Variants in TYMS observed in about 807,000 individuals in gnomAD.
The protein encoded by TYMS is thymidylate synthetase, also known as thymidylate synthase.
In TYMS, 21 loss-of-function variants were observed where a neutral mutation model predicts 39.3. The ratio of observed to expected loss-of-function variants is 0.54; its 90% CI spans 0.38 to 0.77. The LOEUF (loss-of-function observed/expected upper bound fraction) is 0.77, where lower values mean the gene tolerates loss of function less well. TYMS is among the 30% of genes least tolerant of loss of function. The pLI, the probability that TYMS is intolerant of heterozygous loss-of-function variation, is 0.00. For missense variants in TYMS, 273 were observed against 406.7 expected, an observed-to-expected ratio of 0.67 and a Z score of 2.83; for synonymous variants, 171 against 162.2, an observed-to-expected ratio of 1.05 and a Z score of -0.41.
chr18:666,903 A>T (rs62090118), intron 3 of TYMS, among the ~76,000 whole-genome samples: 11,743 of 60,126 alleles, frequency 0.2, 1,587 homozygotes, highest in African/African-American at 0.39. Flanking sequence ...ATGGTGATGG[A>T]GATGGTGATG....
rs1567990820 is a variant in TYMS at position 667,505 on chromosome 18, TGATGGTGATGGTGATGGTGATGGA to T, written c.455-1525_455-1502del. Among the ~76,000 whole-genome samples the T allele has an allele frequency of 3.9e-4, 15 of 38,860 alleles. 1 individual carries two copies. The East Asian group carries it at 0.015, about 38-fold the overall frequency. 25.5% of individuals were successfully genotyped at this position (38,860 alleles called of 152,430 possible). ...GTGATGGTGATGGTGATGGAGATGG[TGATGGTGATGGTGATGGTGATGGA>T]GATGGTGATGGTGATGGTGATGGAG... On this transcript the variant is annotated intron_variant, in intron 3 of 6. Transcript: ENST00000323274.
At chr18:668,062 A>T (rs570099154) in intron 3 of TYMS, among the ~76,000 whole-genome samples, 19 of 140,060 alleles carry the variant, frequency 1.4e-4, no homozygotes, top group South Asian at 4.6e-4. Flanking sequence ...CCCAGTGATA[A>T]TATCTTGGGT....
At chr18:665,043 AG>A (rs1462754287) in intron 3 of TYMS, among the ~76,000 whole-genome samples, 5 of 152,014 alleles carry the variant, frequency 3.3e-5, no homozygotes, top group African/African-American at 1.2e-4. Context: ...AAAATGAGTT[AG>A]GGAGGATTCC....
intron 3 of TYMS, among the ~76,000 whole-genome samples, chr18:662,648 A>G (rs1224648098): frequency 1.3e-5 from 2 of 151,620 alleles, no homozygotes; most frequent in African/African-American, 2.4e-5. Context: ...ATATCTCCCA[A>G]TGCTATCCCT....
intron 3 of TYMS, 77 bp downstream of exon 3, chr18:662,397 G>T: frequency 7.3e-7 from 1 of 1,366,592 alleles, no homozygotes; most frequent in Non-Finnish European, 1.0e-6. Flanking sequence ...TTTAGATAAG[G>T]TCTGGGGGAT....
chr18:664,930 T>C (rs1176816531), intron 3 of TYMS, among the ~76,000 whole-genome samples: 1 of 142,150 alleles, frequency 7.0e-6, no homozygotes, highest in Non-Finnish European at 1.5e-5. Flanking sequence ...CAGTATTTTA[T>C]TGAGGAATTT....
chr18:662,091 T>G, intron 2 of TYMS, 55 bp from the exon 3 acceptor site: 51 of 1,531,664 alleles, frequency 3.3e-5, no homozygotes, highest in Non-Finnish European at 4.1e-5. Context: ...GGGGATCAAC[T>G]GAGATGGCTT....
Position 673,312 on chromosome 18 carries a change from G to A in TYMS, c.*315G>A, listed in dbSNP as rs536521216. On this transcript the variant is annotated 3_prime_UTR_variant, in exon 7 of 7. Coordinates refer to ENST00000323274, the MANE Select transcript of TYMS (RefSeq NM_001071.4). ...CATTTCAATCCCACGTACTTATAAA[G>A]AAGGTTGGTGAATTTCACAAGCTAT... is the stretch of plus-strand genomic sequence containing the variant. 1.1e-4 allele frequency: 26 copies of A among 243,036 alleles called. 1 individual carries two copies. In the South Asian group the frequency reaches 4.3e-3, roughly 40 times the overall value. 15.1% of individuals were successfully genotyped at this position (243,036 alleles called of 1,614,324 possible). A position where few individuals can be genotyped will look rare whatever the true frequency, so the allele number is the denominator to read the frequency against.
Position 659,717 on chromosome 18 carries a change from A to G in TYMS, c.279+3A>G. 6 of 1,612,854 alleles carry G rather than the reference A, an allele frequency of 3.7e-6. No individual in the cohort carries two copies. Among genetic ancestry groups the G allele is most frequent in the Non-Finnish European group, 5.1e-6 (6 of 1,178,806 alleles). ...AGGAGTTGCTGTGGTTTATCAAGGT[A>G]AAGAAGTCGCTGCTATTAGAAGTCA... On this transcript the variant is annotated splice_donor_region_variant and intron_variant, in intron 2 of 6. Transcript: ENST00000323274.
chr18:669,798 A>G (rs993502007), intron 4 of TYMS, among the ~76,000 whole-genome samples: 3 of 151,856 alleles, frequency 2.0e-5, no homozygotes, highest in Non-Finnish European at 4.4e-5. Context: ...GTAAAATTCA[A>G]CTCTACCAGG....
chr18:661,379 G>A (rs1415807566), intron 2 of TYMS, among the ~76,000 whole-genome samples: 1 of 152,234 alleles, frequency 6.6e-6, no homozygotes, highest in Non-Finnish European at 1.5e-5. Context: ...AAATACAGGA[G>A]TTGAGGCACC....
At chr18:662,452 G>A (rs1337304025) in intron 3 of TYMS, 132 bp downstream of exon 3, 5 of 766,948 alleles carry the variant, frequency 6.5e-6, no homozygotes, top group Non-Finnish European at 7.8e-6. Context: ...ACCTTGTGAG[G>A]GGTGGTGCCA....
intron 4 of TYMS, 121 bp from the exon 5 acceptor site, chr18:670,571 G>C: frequency 1.9e-6 from 2 of 1,043,276 alleles, no homozygotes; most frequent in Non-Finnish European, 2.8e-6. Flanking sequence ...GCAGCCCAGT[G>C]GCTCTCTCTC....
At chr18:664,326 A>G (rs370070175) in intron 3 of TYMS, among the ~76,000 whole-genome samples, 30 of 150,092 alleles carry the variant, frequency 2.0e-4, no homozygotes, top group Admixed American at 6.0e-4. Context: ...TTTGTCTGTT[A>G]TTGGTGTATA....
Position 669,054 on chromosome 18 carries a change from T to G in TYMS, c.455-18T>G, listed in dbSNP as rs1005928064. The stretch of plus-strand genomic sequence containing the variant: ...GATTAATGTATGTACCTGTCCTCTC[T>G]TTTTGACAATTCTACAGATTATTCA... On this transcript the variant is annotated intron_variant, in intron 3 of 6. Coordinates refer to ENST00000323274, the MANE Select transcript of TYMS (RefSeq NM_001071.4). 8 of 1,607,352 alleles carry G rather than the reference T, an allele frequency of 5.0e-6. No homozygotes were observed. The highest frequency in any genetic ancestry group is 1.1e-5 in the South Asian group (1 of 90,898).
intron 3 of TYMS, among the ~76,000 whole-genome samples, chr18:664,036 T>A (rs1176908631): frequency 3.3e-5 from 4 of 121,508 alleles, no homozygotes; most frequent in Admixed American, 3.0e-4. Context: ...TAAAGTAGTT[T>A]TTTCCAATTC....
Position 659,677 on chromosome 18 carries a change from G to A in TYMS, c.242G>A (p.Trp81Ter). 1 of 1,614,236 alleles carries A rather than the reference G, an allele frequency of 6.2e-7. No homozygotes were observed. Among genetic ancestry groups the A allele is most frequent in the Non-Finnish European group, 8.5e-7 (1 of 1,180,024 alleles). ...CTGCTGACAACCAAACGTGTGTTCT[G>A]GAAGGGTGTTTTGGAGGAGTTGCTG... ...FPLLTTKRVF[W>*]KGVLEELLWF... Residue 81 changes from tryptophan to a stop codon, truncating the protein, a stop_gained, in exon 2 of 7, where the codon TGG becomes TAG. Transcript: ENST00000323274. LOFTEE classifies it high-confidence loss of function.
At chr18:668,991 G>GT in intron 3 of TYMS, 81 bp from the exon 4 acceptor site, 1 of 1,190,340 alleles carries the variant, frequency 8.4e-7, no homozygotes, top group Non-Finnish European at 1.2e-6. Context: ...GTAAGAGACT[G>GT]TAATAGATGA....
At chr18:661,740 C>T (rs1330775725) in intron 2 of TYMS, among the ~76,000 whole-genome samples, 1 of 152,218 alleles carries the variant, frequency 6.6e-6, no homozygotes, top group Non-Finnish European at 1.5e-5. Context: ...AATCCCAGCA[C>T]TTCGGGAGGC....
Sources: allele counts gnomAD v4.1 joint callset (sites outside exome capture counted in the v4.1 genomes callset), GRCh38; gene constraint gnomAD v4.1.1; transcripts MANE v1.5; gene names NCBI Gene and HGNC (gene_info 2026-07-23, HGNC 2026-07-21).